SGCD: variants seen among roughly 807,000 people sequenced by gnomAD.
The protein encoded by SGCD is delta-sarcoglycan.
SGCD carries 18 observed loss-of-function variants against 36.6 expected under a neutral mutation model. The ratio of observed to expected loss-of-function variants is 0.49; its 90% CI spans 0.34 to 0.73. The LOEUF is 0.73. SGCD is among the 30% of genes least tolerant of loss of function. The probability of loss-of-function intolerance (pLI) is 0.01; values close to 1 mark genes in which losing one functional copy is unlikely to be tolerated. For synonymous variants in SGCD, 133 were observed against 130.6 expected (o/e 1.02, Z -0.12); for missense variants, 387 against 346.7 (o/e 1.12, Z -0.92).
chr5:156,420,697 T>C (rs1561683696), intron 3 of SGCD, among the ~76,000 whole-genome samples: 1 of 152,144 alleles, frequency 6.6e-6, no homozygotes, highest in Non-Finnish European at 1.5e-5. Context: ...CACCATGGCT[T>C]TTTGAAGAGA....
At chr5:156,274,556 A>G (rs970476955) in intron 3 of SGCD, among the ~76,000 whole-genome samples, 1 of 152,122 alleles carries the variant, frequency 6.6e-6, no homozygotes, top group Non-Finnish European at 1.5e-5. Context: ...GGAGCACATA[A>G]ATTTCCTTTT....
chr5:156,494,851 T>C (rs1756110607), intron 3 of SGCD, among the ~76,000 whole-genome samples: 1 of 152,160 alleles, frequency 6.6e-6, no homozygotes, highest in African/African-American at 2.4e-5. Context: ...ATACTCATTC[T>C]CCCTGTACTC....
intron 3 of SGCD, among the ~76,000 whole-genome samples, chr5:156,128,662 C>T (rs900157645): frequency 4.6e-5 from 7 of 152,078 alleles, no homozygotes; most frequent in East Asian, 1.9e-4. Flanking sequence ...TGAGTTCTCA[C>T]GAGCTCTGAT....
At chr5:156,119,252 G>T (rs1761976733) in intron 2 of SGCD, among the ~76,000 whole-genome samples, 1 of 152,086 alleles carries the variant, frequency 6.6e-6, no homozygotes, top group South Asian at 2.1e-4. Flanking sequence ...TCAGAACTAG[G>T]TTTAATCAGA....
At chr5:156,288,615 G>C (rs1401811565) in intron 3 of SGCD, among the ~76,000 whole-genome samples, 1 of 152,136 alleles carries the variant, frequency 6.6e-6, no homozygotes, top group Non-Finnish European at 1.5e-5. Flanking sequence ...GTGTGTTAGT[G>C]GTTTCATGGG....
chr5:156,471,189 A>G (rs1033731745), intron 3 of SGCD, among the ~76,000 whole-genome samples: 1 of 152,176 alleles, frequency 6.6e-6, no homozygotes, highest in Non-Finnish European at 1.5e-5. Flanking sequence ...GAGGTATACC[A>G]TAGTCATTGA....
At chr5:156,375,476 A>G (rs895866036) in intron 3 of SGCD, among the ~76,000 whole-genome samples, 10 of 142,668 alleles carry the variant, frequency 7.0e-5, no homozygotes, top group Non-Finnish European at 1.3e-4. Context: ...CTGGCTCCTT[A>G]TAAAGACAGT....
chr5:156,030,627 A>G (rs868659844), intron 1 of SGCD, among the ~76,000 whole-genome samples: 15 of 152,188 alleles, frequency 9.9e-5, no homozygotes, highest in Admixed American at 3.9e-4. Context: ...CATTGTGGTG[A>G]TACCAAGGAA....
rs183038501 is a variant in SGCD at position 156,380,162 on chromosome 5, C to T, written c.192+35485C>T. 1.2e-3 allele frequency among the ~76,000 whole-genome samples: 177 copies of T among 152,170 alleles called. 1 individual carries two copies. Among genetic ancestry groups the T allele is most frequent in the Middle Eastern group, 3.4e-3 (1 of 294 alleles). On this transcript the variant is annotated intron_variant, in intron 3 of 8. Coordinates refer to ENST00000337851, the MANE Select transcript of SGCD (RefSeq NM_000337.6). ...TGGTTGAAATGATCATTGCAAACAT[C>T]TGATTTAGATTATTTTTCCAGGCTC...
rs1390123694 is a variant in SGCD, at chr5:156,470,432, T to C, written c.193-38169T>C. Among the ~76,000 whole-genome samples the C allele has an allele frequency of 2.0e-5, 3 of 152,066 alleles. No individual in the cohort carries two copies. The East Asian group carries it at 5.8e-4, about 29-fold the overall frequency. ...TATGTATACATGTGCCATGCCGGTG[T>C]GCTGCACCCACTAACTCGTCATTTA... On this transcript the variant is annotated intron_variant, in intron 3 of 8. Transcript: ENST00000337851.
intron 1 of SGCD, among the ~76,000 whole-genome samples, chr5:155,902,584 CCA>C (rs1386356669): frequency 2.0e-5 from 3 of 152,088 alleles, no homozygotes; most frequent in Non-Finnish European, 4.4e-5. Flanking sequence ...GTCAGGAACC[CCA>C]GTGTGGTCCC....
chr5:156,591,960 G>A (rs895783193), intron 5 of SGCD, among the ~76,000 whole-genome samples: 1 of 152,150 alleles, frequency 6.6e-6, no homozygotes, highest in Non-Finnish European at 1.5e-5. Context: ...GATACCCAAA[G>A]GGTTGTGGCT....
At chr5:156,133,928 C>T (rs1762389233) in intron 3 of SGCD, among the ~76,000 whole-genome samples, 1 of 146,422 alleles carries the variant, frequency 6.8e-6, no homozygotes, top group African/African-American at 2.5e-5. Context: ...CACACACACA[C>T]ACACACACAC....
chr5:155,861,715 T>TA, the SGCD span, among the ~76,000 whole-genome samples: 5 of 151,724 alleles, frequency 3.3e-5, no homozygotes, highest in Admixed American at 1.3e-4. Flanking sequence ...AAAACTCTGT[T>TA]AAAAAAATAA....
chr5:156,742,527 A>T (rs1021052279), intron 7 of SGCD, among the ~76,000 whole-genome samples: 7 of 151,796 alleles, frequency 4.6e-5, no homozygotes, highest in Non-Finnish European at 1.0e-4. Flanking sequence ...ATAATAACAG[A>T]CTCCTAGCTA....
chr5:156,099,032 C>T (rs1412468772), intron 1 of SGCD, among the ~76,000 whole-genome samples: 1 of 152,194 alleles, frequency 6.6e-6, no homozygotes, highest in Non-Finnish European at 1.5e-5. Context: ...ACCACCTGGG[C>T]TGCCTTCCCT....
At chr5:156,082,270 CG>C (rs146395452) in intron 1 of SGCD, among the ~76,000 whole-genome samples, 1 of 37,242 alleles carries the variant, frequency 2.7e-5, no homozygotes, top group Non-Finnish European at 7.4e-5. Context: ...GGCTGGTGGG[CG>C]GGGGGGTCCA....
chr5:156,286,010 G>A (rs1331654328), intron 3 of SGCD, among the ~76,000 whole-genome samples: 1 of 152,086 alleles, frequency 6.6e-6, no homozygotes, highest in African/African-American at 2.4e-5. Context: ...AAAAATGGGT[G>A]AAGGATATGA....
At chr5:156,409,653 G>T (rs1313412897) in intron 3 of SGCD, among the ~76,000 whole-genome samples, 1 of 152,070 alleles carries the variant, frequency 6.6e-6, no homozygotes, top group Admixed American at 6.5e-5. Context: ...TACTTAGCTT[G>T]TCTGAGCTTT....
Sources: allele counts gnomAD v4.1 joint callset (sites outside exome capture counted in the v4.1 genomes callset), GRCh38; gene constraint gnomAD v4.1.1; transcripts MANE v1.5; gene names NCBI Gene and HGNC (gene_info 2026-07-23, HGNC 2026-07-21).